TTC7A: variants seen among roughly 807,000 people sequenced by gnomAD.
The protein encoded by TTC7A is tetratricopeptide repeat domain 7A.
Under a neutral mutation model 103.7 loss-of-function variants are expected in TTC7A, and 110 were observed. That is an observed-to-expected ratio of 1.06 (90% CI 0.91 to 1.24). The LOEUF (loss-of-function observed/expected upper bound fraction) is 1.24, where lower values mean the gene tolerates loss of function less well. Ranked by LOEUF, TTC7A falls within the 50% of genes most tolerant of loss-of-function variation. The probability of loss-of-function intolerance (pLI) is 0.00; values close to 1 mark genes in which losing one functional copy is unlikely to be tolerated. For missense variants in TTC7A, 1,340 were observed against 1,116.3 expected (o/e 1.20, Z -2.86); for synonymous variants, 521 against 467.9 (o/e 1.11, Z -1.47).
At chr2:46,950,553 ACCT>A (rs781740842) in intron 2 of TTC7A, 27 bp downstream of exon 2, 49 of 1,610,510 alleles carry the variant, frequency 3.0e-5, no homozygotes, top group Non-Finnish European at 3.8e-5. Context: ...CAAGCCTGAG[ACCT>A]CCTCTCCTCG....
intron 2 of TTC7A, among the ~76,000 whole-genome samples, chr2:46,933,984 T>C (rs1002241146): frequency 2.0e-5 from 3 of 152,186 alleles, no homozygotes; most frequent in African/African-American, 4.8e-5. Flanking sequence ...TTCTGATGGC[T>C]GGGAGCACTT....
At chr2:46,990,637 C>T (rs1217025398) in intron 5 of TTC7A, among the ~76,000 whole-genome samples, 1 of 152,126 alleles carries the variant, frequency 6.6e-6, no homozygotes, top group Non-Finnish European at 1.5e-5. Flanking sequence ...CTTGGGGCCA[C>T]ATGTATGTCA....
At chr2:46,999,399 C>G (rs1003200208) in intron 8 of TTC7A, 13 of 700,748 alleles carry the variant, frequency 1.9e-5, no homozygotes, top group Admixed American at 1.3e-4. Flanking sequence ...TTCATCCATC[C>G]AGCCACCTAC....
chr2:47,003,168 C>T (rs1318441444), intron 8 of TTC7A, among the ~76,000 whole-genome samples: 1 of 151,454 alleles, frequency 6.6e-6, no homozygotes, highest in African/African-American at 2.4e-5. Flanking sequence ...CAGAGTCTTT[C>T]TCTCCTGAGT....
At chr2:46,954,389 C>T (rs1006251647) in intron 2 of TTC7A, among the ~76,000 whole-genome samples, 1 of 152,058 alleles carries the variant, frequency 6.6e-6, no homozygotes, top group Non-Finnish European at 1.5e-5. Flanking sequence ...AAGAATATTT[C>T]ACATTCAAAT....
chr2:47,036,025 C>T (rs958538536), intron 15 of TTC7A, among the ~76,000 whole-genome samples: 1 of 152,250 alleles, frequency 6.6e-6, no homozygotes, highest in African/African-American at 2.4e-5. Flanking sequence ...TCTTCCACCC[C>T]TGAATGGCCA....
chr2:47,012,520 G>T (rs1383056204), intron 11 of TTC7A, among the ~76,000 whole-genome samples: 1 of 152,196 alleles, frequency 6.6e-6, no homozygotes, highest in African/African-American at 2.4e-5. Context: ...TTTTAAGGCA[G>T]TGGGGGCCAG....
At chr2:46,992,394 C>T (rs1405145516) in intron 5 of TTC7A, among the ~76,000 whole-genome samples, 1 of 152,132 alleles carries the variant, frequency 6.6e-6, no homozygotes, top group African/African-American at 2.4e-5. Flanking sequence ...GGGGAGGCTT[C>T]ATGGAGGAGG....
At chr2:46,921,238 C>T (rs1398246494) in intron 2 of TTC7A, among the ~76,000 whole-genome samples, 2 of 152,122 alleles carry the variant, frequency 1.3e-5, no homozygotes, top group African/African-American at 4.8e-5. Context: ...TATCTTTATT[C>T]ACAGATAATA....
intron 8 of TTC7A, among the ~76,000 whole-genome samples, chr2:46,997,855 C>G (rs1297705789): frequency 2.6e-5 from 4 of 152,106 alleles, no homozygotes; most frequent in Non-Finnish European, 5.9e-5. Flanking sequence ...TGATCTGAGT[C>G]CTCAGGACAG....
intron 5 of TTC7A, among the ~76,000 whole-genome samples, chr2:46,986,791 C>T (rs1433773): frequency 0.32 from 47,907 of 152,066 alleles, 8,730 homozygotes; most frequent in East Asian, 0.66. Flanking sequence ...GAGTCCGGCT[C>T]GTCCCTCCCA....
intron 2 of TTC7A, among the ~76,000 whole-genome samples, chr2:46,935,518 C>A (rs1380714901): frequency 6.6e-6 from 1 of 152,178 alleles, no homozygotes; most frequent in African/African-American, 2.4e-5. Context: ...AGTGTTCTCC[C>A]TTCCTGCCAT....
intron 5 of TTC7A, among the ~76,000 whole-genome samples, chr2:46,980,814 C>G (rs1226477514): frequency 2.0e-5 from 3 of 152,258 alleles, no homozygotes; most frequent in Admixed American, 2.0e-4. Context: ...TTCCCACAAC[C>G]TCTTCTCAGA....
chr2:46,930,449 ACTT>A (rs1321864912), intron 2 of TTC7A, among the ~76,000 whole-genome samples: 72 of 150,580 alleles, frequency 4.8e-4, no homozygotes, highest in African/African-American at 1.7e-3. Flanking sequence ...AAAAAAAAAA[ACTT>A]ACCAAAAATT....
At chr2:46,962,503 T>C (rs12712981) in intron 3 of TTC7A, among the ~76,000 whole-genome samples, 104,120 of 152,086 alleles carry the variant, frequency 0.68, 36,001 homozygotes, top group East Asian at 0.75. Context: ...AAACACCTGC[T>C]GGGAATGCCA....
At chr2:46,946,052 T>C (rs1015047736) in intron 1 of TTC7A, among the ~76,000 whole-genome samples, 5 of 152,168 alleles carry the variant, frequency 3.3e-5, no homozygotes, top group Non-Finnish European at 7.3e-5. Context: ...GGTATTCCTG[T>C]GACCTGGCAC....
At chr2:47,061,677 A>T (rs1683793248) in intron 19 of TTC7A, among the ~76,000 whole-genome samples, 1 of 151,996 alleles carries the variant, frequency 6.6e-6, no homozygotes, top group South Asian at 2.1e-4. Context: ...CCTTCTCTGA[A>T]CCTTAGTTTT....
At chr2:46,919,830 T>G (rs1669005726) in intron 2 of TTC7A, among the ~76,000 whole-genome samples, 1 of 152,262 alleles carries the variant, frequency 6.6e-6, no homozygotes, top group Non-Finnish European at 1.5e-5. Flanking sequence ...CAGTTTCTTT[T>G]GTTTAGAGAA....
chr2:46,945,798 G>T (rs970892374), intron 1 of TTC7A, among the ~76,000 whole-genome samples: 1 of 152,158 alleles, frequency 6.6e-6, no homozygotes, highest in Non-Finnish European at 1.5e-5. Context: ...CAGTTAGAAG[G>T]GGTTTGTTTG....
Sources: gnomAD v4.1 joint callset for allele counts (sites outside exome capture counted in the v4.1 genomes callset) on GRCh38, gnomAD v4.1.1 for gene constraint, MANE v1.5 for transcripts, NCBI Gene and HGNC (gene_info 2026-07-23, HGNC 2026-07-21) for gene names.